IL18BP: variants seen among roughly 807,000 people sequenced by gnomAD.
The protein encoded by IL18BP is interleukin 18 binding protein.
A neutral mutation model predicts 19.9 loss-of-function variants in IL18BP; 23 were observed. That is an observed-to-expected ratio of 1.15 (90% CI 0.83 to 1.64). The LOEUF (loss-of-function observed/expected upper bound fraction) is 1.64. IL18BP is among the 40% of genes most tolerant of loss of function. The pLI is 0.00. For synonymous variants in IL18BP, 107 were observed against 101.0 expected, an observed-to-expected ratio of 1.06 and a Z score of -0.35; for missense variants, 239 against 240.7, an observed-to-expected ratio of 0.99 and a Z score of 0.05.
In IL18BP at chr11:72,001,997, C is replaced by T; in HGVS notation, c.*136C>T. On this transcript the variant is annotated 3_prime_UTR_variant, in exon 6 of 6. Coordinates refer to ENST00000393703, the MANE Select transcript of IL18BP (RefSeq NM_001039660.2). ...CACCCCCTCCTTCTCTGCTTTGGGT[C>T]CCTTCTCTCACCAAATTCAAACTCC... 7.5e-7 allele frequency: 1 copy of T among 1,326,448 alleles called. No individual in the cohort carries two copies. Among genetic ancestry groups the T allele is most frequent in the African/African-American group, 1.5e-5 (1 of 67,916 alleles). The allele number at this position is 1,326,448 out of a possible 1,614,324, so 82.2% of individuals were successfully genotyped here.
intron 1 of IL18BP, 92 bp downstream of exon 1, chr11:71,999,111 G>A: frequency 1.9e-6 from 1 of 513,582 alleles, no homozygotes; most frequent in South Asian, 1.4e-5. Flanking sequence ...TGGGTGCTGG[G>A]AGATGTAGCC....
rs1788702920 is a variant in IL18BP, at chr11:72,001,944, T to G, written c.*83T>G. The G allele has an allele frequency of 1.3e-6, 2 of 1,588,686 alleles. No individual in the cohort carries two copies. The highest frequency in any genetic ancestry group is 1.8e-5 in the Admixed American group (1 of 55,960). The stretch of plus-strand genomic sequence containing the variant: ...CTACCTGGAGTGAACAGTCCCTGAC[T>G]GCCTGTAGGCTGCGTGGATGCGCAA... On this transcript the variant is annotated 3_prime_UTR_variant, in exon 6 of 6. Transcript: ENST00000393703.
downstream of IL18BP, chr11:72,003,589 G>A (rs758454424): frequency 2.5e-6 from 4 of 1,610,584 alleles, no homozygotes; most frequent in East Asian, 2.2e-5. Flanking sequence ...ATACTAGCCT[G>A]CACCCACTGG....
chr11:72,000,170 C>G (rs975198671), intron 2 of IL18BP, among the ~76,000 whole-genome samples, 158 bp downstream of exon 2: 2 of 152,196 alleles, frequency 1.3e-5, no homozygotes, highest in African/African-American at 4.8e-5. Context: ...AGCTCTGGCT[C>G]CAGTCTAAAG....
chr11:72,008,108 G>T (rs1183057752), downstream of IL18BP: 3 of 479,272 alleles, frequency 6.3e-6, no homozygotes, highest in Admixed American at 7.0e-5. Context: ...GGGTTGTTGG[G>T]GGACAAATCA....
chr11:72,002,009 C>A lies in IL18BP; in HGVS notation c.*148C>A. Reference sequence around the variant, plus strand: ...CTCTGCTTTGGGTCCCTTCTCTCACCAAATTCAAACTCCATTCCCACCTAC... The same window carrying A: ...CTCTGCTTTGGGTCCCTTCTCTCACAAAATTCAAACTCCATTCCCACCTAC... On this transcript the variant is annotated 3_prime_UTR_variant, in exon 6 of 6. Transcript: ENST00000393703. 3 of 1,150,326 alleles carry A rather than the reference C, an allele frequency of 2.6e-6. No homozygotes were observed. Among genetic ancestry groups the A allele is most frequent in the Non-Finnish European group, 3.7e-6 (3 of 814,862 alleles). The allele number at this position is 1,150,326 out of a possible 1,614,324, so 71.3% of individuals were successfully genotyped here.
downstream of IL18BP, chr11:72,004,094 G>A (rs769411544): frequency 6.2e-7 from 1 of 1,613,186 alleles, no homozygotes; most frequent in East Asian, 2.2e-5. Flanking sequence ...ACTGGCGCCG[G>A]TCAGCCTGCA....
Position 72,002,159 on chromosome 11 carries a change from G to C in IL18BP, c.*298G>C, listed in dbSNP as rs142753770. 4.4e-5 allele frequency: 21 copies of C among 482,238 alleles called. No homozygotes were observed. Among genetic ancestry groups the C allele is most frequent in the Non-Finnish European group, 6.3e-5 (17 of 269,012 alleles). The allele number at this position is 482,238 out of a possible 1,614,324, so 29.9% of individuals were successfully genotyped here. A position where few individuals can be genotyped will look rare whatever the true frequency, so the allele number is the denominator to read the frequency against. ...CTGCTCAGAAACCACCAAGACTGTT[G>C]ATGCCTTAGCCTTGCACTCCAGGGC... On this transcript the variant is annotated 3_prime_UTR_variant, in exon 6 of 6. Transcript: ENST00000393703.
downstream of IL18BP, chr11:72,004,744 C>G (rs1260897195): frequency 4.3e-6 from 7 of 1,611,884 alleles, no homozygotes; most frequent in Non-Finnish European, 5.9e-6. Context: ...TGCATGCTGG[C>G]TCGGCGCAGG....
At chr11:72,003,368 AGGGACCAGGCCAGGGTGC>A, downstream of IL18BP, 5 of 726,566 alleles carry the variant, frequency 6.9e-6, 1 homozygote, top group South Asian at 8.3e-5. Context: ...GTGAAGGACC[AGGGACCAGGCCAGGGTGC>A]GGGCAGGCAT....
At chr11:72,007,576 C>A, downstream of IL18BP, 1 of 1,069,844 alleles carries the variant, frequency 9.3e-7, no homozygotes, top group South Asian at 1.4e-5. Context: ...TTCAGAGGTA[C>A]CAAGGAAAGC....
At chr11:72,003,456 G>T, downstream of IL18BP, 3 of 1,464,928 alleles carry the variant, frequency 2.0e-6, no homozygotes, top group Non-Finnish European at 2.9e-6. Flanking sequence ...CACTGAGAGG[G>T]ACAGTAGGCG....
rs1258085094 is a variant in IL18BP, at chr11:72,002,408, T to TC, written c.*547_*548insC. ...TCCTATCTTCGTGCTGTATGTTTTT[T>TC]TTTTCCCCCTTCACTCTAATGGACT... On this transcript the variant is annotated 3_prime_UTR_variant, in exon 6 of 6. Coordinates refer to ENST00000393703, the MANE Select transcript of IL18BP (RefSeq NM_001039660.2). 6.2e-6 allele frequency: 1 copy of TC among 160,512 alleles called. No individual in the cohort carries two copies. Among genetic ancestry groups the TC allele is most frequent in the African/African-American group, 2.4e-5 (1 of 41,294 alleles). The allele number at this position is 160,512 out of a possible 1,614,324, so 9.9% of individuals were successfully genotyped here.
chr11:72,007,604 C>T, downstream of IL18BP: 2 of 794,804 alleles, frequency 2.5e-6, no homozygotes, highest in Admixed American at 2.6e-5. Context: ...CTGGGCCTTC[C>T]TTTCAGTCCA....
In IL18BP at chr11:72,001,233, A is replaced by G. The variant is rs1955209438; in HGVS notation, c.268A>G (p.Ser90Gly). The change falls in exon 4 of 6, where the codon AGC becomes GGC. Residue 90 changes from serine (S) to glycine (G), a missense_variant. Coordinates refer to ENST00000393703, the MANE Select transcript of IL18BP (RefSeq NM_001039660.2). ...GCTGAGCTTATCCTGTGTGGCCTGC[A>G]GCCGCTTCCCCAACTTCAGCATCCT... ...GTLSLSCVAC[S>G]RFPNFSILYW... 4 of 1,614,076 alleles carry G rather than the reference A, an allele frequency of 2.5e-6. No individual in the cohort carries two copies. Among genetic ancestry groups the G allele is most frequent in the Non-Finnish European group, 3.4e-6 (4 of 1,180,032 alleles).
chr11:72,001,409 GAA>G lies in IL18BP; in HGVS notation c.365_366del (p.Glu122AlafsTer34). 1 of 1,614,116 alleles carries G rather than the reference GAA, an allele frequency of 6.2e-7. No homozygotes were observed. Among genetic ancestry groups the G allele is most frequent in the South Asian group, 1.1e-5 (1 of 91,086 alleles). Reference sequence around the variant, plus strand: ...TTTCCTTCCCTTCCGCTCCAGCCGGGAACGTGGGAGCACAGGTACGCAGCTGT... The same window carrying G: ...TTTCCTTCCCTTCCGCTCCAGCCGGGCGTGGGAGCACAGGTACGCAGCTGT... ...GRLWEGSTSRERGSTGTQLCK... is the reference protein window; with the variant it reads ...GRLWEGSTSRXRGSTGTQLCK... On this transcript the variant is annotated frameshift_variant, in exon 5 of 6. Transcript: ENST00000393703. LOFTEE classifies it high-confidence loss of function.
intron 3 of IL18BP, 87 bp downstream of exon 3, chr11:72,000,644 C>T: frequency 9.0e-7 from 1 of 1,106,696 alleles, no homozygotes; most frequent in Admixed American, 1.9e-5. Context: ...CCCTTCTGCC[C>T]ATGTACCACC....
intron 1 of IL18BP, chr11:71,999,319 G>T: frequency 2.7e-6 from 1 of 375,906 alleles, no homozygotes; most frequent in East Asian, 6.9e-5. Context: ...TGGCTGTGAA[G>T]AGGGGAGGCG....
downstream of IL18BP, chr11:72,003,779 C>A: frequency 8.1e-7 from 1 of 1,229,648 alleles, no homozygotes; most frequent in South Asian, 1.3e-5. Flanking sequence ...ACCCCACACC[C>A]TCCAGCAGCC....
Sources: gnomAD v4.1 joint callset for allele counts (sites outside exome capture counted in the v4.1 genomes callset) on GRCh38, gnomAD v4.1.1 for gene constraint, MANE v1.5 for transcripts, NCBI Gene and HGNC (gene_info 2026-07-23, HGNC 2026-07-21) for gene names.